Variants in ERC2 observed in about 807,000 individuals in gnomAD.
The protein encoded by ERC2 is ERC protein 2.
ERC2 carries 42 observed loss-of-function variants against 114.8 expected under a neutral mutation model. The ratio of observed to expected loss-of-function variants is 0.37; its 90% CI spans 0.29 to 0.47. The LOEUF is 0.47. ERC2 is among the 20% of genes least tolerant of loss of function. The pLI is 0.99. For synonymous variants in ERC2, 454 were observed against 425.5 expected (o/e 1.07, Z -0.82); for missense variants, 939 against 1,150.7 (o/e 0.82, Z 2.66).
intron 14 of ERC2, among the ~76,000 whole-genome samples, chr3:55,788,962 G>GGA (rs1458909874): frequency 6.6e-6 from 1 of 152,076 alleles, no homozygotes; most frequent in African/African-American, 2.4e-5. Context: ...CTCCCAAAAG[G>GGA]GGTAACCAGT....
At chr3:55,618,828 T>C (rs1178228564) in intron 17 of ERC2, among the ~76,000 whole-genome samples, 1 of 152,096 alleles carries the variant, frequency 6.6e-6, no homozygotes, top group Non-Finnish European at 1.5e-5. Flanking sequence ...AAACAAAACA[T>C]TCCCACCACC....
At chr3:55,863,870 T>C (rs900991790) in intron 14 of ERC2, among the ~76,000 whole-genome samples, 1 of 151,794 alleles carries the variant, frequency 6.6e-6, no homozygotes, top group Non-Finnish European at 1.5e-5. Context: ...CACATCTCAA[T>C]TGTACTAGCC....
chr3:55,603,353 C>A (rs1353904120), intron 17 of ERC2, among the ~76,000 whole-genome samples: 2 of 152,190 alleles, frequency 1.3e-5, no homozygotes, highest in Non-Finnish European at 2.9e-5. Flanking sequence ...GAAGCCGCAG[C>A]CGGGTGCGGT....
intron 17 of ERC2, among the ~76,000 whole-genome samples, chr3:55,548,287 C>A (rs1269164471): frequency 1.3e-5 from 2 of 152,250 alleles, no homozygotes; most frequent in African/African-American, 4.8e-5. Context: ...TAGTGCTCGT[C>A]TCCCAACGAT....
At chr3:56,142,690 T>C (rs1330109241) in intron 5 of ERC2, among the ~76,000 whole-genome samples, 1 of 152,144 alleles carries the variant, frequency 6.6e-6, no homozygotes, top group African/African-American at 2.4e-5. Context: ...CTTATTAATA[T>C]TTCATAGTCT....
intron 13 of ERC2, among the ~76,000 whole-genome samples, chr3:55,893,392 C>T (rs565912775): frequency 2.0e-5 from 3 of 152,284 alleles, no homozygotes; most frequent in East Asian, 3.9e-4. Context: ...CAGTTCTCAC[C>T]TCTATGTAGA....
intron 8 of ERC2, among the ~76,000 whole-genome samples, chr3:56,017,460 C>CCAT (rs2073384307): frequency 6.6e-6 from 1 of 152,086 alleles, no homozygotes; most frequent in South Asian, 2.1e-4. Context: ...GGATGGCATC[C>CCAT]CATCCCCTTC....
chr3:55,666,362 G>A (rs923614358), intron 17 of ERC2, among the ~76,000 whole-genome samples: 8 of 152,082 alleles, frequency 5.3e-5, no homozygotes, highest in Non-Finnish European at 1.0e-4. Flanking sequence ...CTTCCATGTC[G>A]TAACACACAC....
intron 6 of ERC2, among the ~76,000 whole-genome samples, chr3:56,106,926 G>T (rs996001955): frequency 1.3e-5 from 2 of 152,174 alleles, no homozygotes; most frequent in Non-Finnish European, 2.9e-5. Flanking sequence ...CATTGACTGT[G>T]ACCTAATCAC....
chr3:56,332,410 CA>C (rs1348083619), intron 2 of ERC2, among the ~76,000 whole-genome samples: 10 of 152,170 alleles, frequency 6.6e-5, no homozygotes, highest in Non-Finnish European at 1.2e-4. Context: ...TTACTCCTAT[CA>C]GTTCTATGAG....
intron 2 of ERC2, 79 bp downstream of exon 2, chr3:56,434,272 G>C: frequency 7.3e-7 from 1 of 1,369,296 alleles, no homozygotes; most frequent in Non-Finnish European, 1.0e-6. Context: ...TTCTGCACAG[G>C]TCGTGGTACC....
chr3:56,041,474 G>T (rs962221247), intron 7 of ERC2, among the ~76,000 whole-genome samples: 2 of 152,150 alleles, frequency 1.3e-5, no homozygotes, highest in African/African-American at 4.8e-5. Context: ...CTTACTGAGG[G>T]CTTGGCTGGC....
chr3:56,252,964 AACCTATGGAG>A (rs2052274374), intron 3 of ERC2, among the ~76,000 whole-genome samples: 2 of 152,170 alleles, frequency 1.3e-5, no homozygotes, highest in Non-Finnish European at 2.9e-5. Flanking sequence ...CACCCCAGGG[AACCTATGGAG>A]ACGTCAGCTA....
In ERC2 at chr3:55,660,174, G is replaced by T. The variant is rs115209343; in HGVS notation, c.*39+23620C>A. ...CTCAGACTTTCCATTGGCTGAATTT[G>T]AGGTCACAATTTCTGTACATGCAAC... On this transcript the variant is annotated intron_variant, in intron 17 of 17. Coordinates refer to ENST00000288221, the MANE Select transcript of ERC2 (RefSeq NM_015576.3). Among the ~76,000 whole-genome samples the T allele has an allele frequency of 2.1e-3, 327 of 152,250 alleles. 2 individuals are homozygous for T. The highest frequency in any genetic ancestry group is 7.7e-3 in the African/African-American group (319 of 41,552).
chr3:56,400,314 G>A lies in ERC2; in HGVS notation c.657+34037C>T, dbSNP rs192899987. On this transcript the variant is annotated intron_variant, in intron 2 of 17. Transcript: ENST00000288221. ...GGATTAAGGAAAGGTGATGGTTATGGGGGCTGAGGGGGTCACAGAAATAGA... is the reference window on the plus strand; with the variant it reads ...GGATTAAGGAAAGGTGATGGTTATGAGGGCTGAGGGGGTCACAGAAATAGA... Among the ~76,000 whole-genome samples, 21 of 152,156 alleles carry A rather than the reference G, an allele frequency of 1.4e-4. No homozygotes were observed. In the South Asian group the frequency reaches 2.7e-3, roughly 20 times the overall value.
intron 7 of ERC2, among the ~76,000 whole-genome samples, chr3:56,057,639 G>A (rs1448691528): frequency 6.6e-6 from 1 of 152,172 alleles, no homozygotes; most frequent in Non-Finnish European, 1.5e-5. Flanking sequence ...TGACATGTGG[G>A]TGTTGTGAAG....
chr3:55,965,531 T>C (rs2068689548), intron 12 of ERC2, among the ~76,000 whole-genome samples: 1 of 152,244 alleles, frequency 6.6e-6, no homozygotes, highest in African/African-American at 2.4e-5. Flanking sequence ...TCTTTCTAAA[T>C]ATTTCATAAT....
intron 17 of ERC2, among the ~76,000 whole-genome samples, chr3:55,539,710 A>G (rs2054260077): frequency 6.6e-6 from 1 of 151,934 alleles, no homozygotes; most frequent in Non-Finnish European, 1.5e-5. Flanking sequence ...TACAGGCGTG[A>G]GCCACTGCGC....
chr3:55,625,465 G>C (rs898828649), intron 17 of ERC2, among the ~76,000 whole-genome samples: 5 of 151,610 alleles, frequency 3.3e-5, no homozygotes, highest in African/African-American at 1.2e-4. Flanking sequence ...GAAGAGGGAG[G>C]AGGAGGCTGG....
Sources: gnomAD v4.1 joint callset for allele counts (sites outside exome capture counted in the v4.1 genomes callset) on GRCh38, gnomAD v4.1.1 for gene constraint, MANE v1.5 for transcripts, NCBI Gene and HGNC (gene_info 2026-07-23, HGNC 2026-07-21) for gene names.